Variants in FRAS1 observed in about 807,000 individuals in gnomAD.
FRAS1 encodes extracellular matrix organizing protein FRAS1.
In FRAS1, 290 loss-of-function variants were observed where a neutral mutation model predicts 435.2. That is an observed-to-expected ratio of 0.67 (90% CI 0.61 to 0.73). The LOEUF (loss-of-function observed/expected upper bound fraction) is 0.73, where lower values mean the gene tolerates loss of function less well. Among genes scored for constraint, FRAS1 ranks in the 30% least tolerant of loss-of-function variants. The pLI is 0.00. For missense variants in FRAS1, 4,860 were observed against 5,001.5 expected, an observed-to-expected ratio of 0.97 and a Z score of 0.85; for synonymous variants, 1,800 against 1,851.0, an observed-to-expected ratio of 0.97 and a Z score of 0.71.
chr4:78,521,685 A>G, intron 68 of FRAS1, 55 bp downstream of exon 68: 3 of 1,094,284 alleles, frequency 2.7e-6, no homozygotes, highest in East Asian at 4.8e-5. Context: ...CATTTCACAC[A>G]TACAGAAAGT....
intron 14 of FRAS1, among the ~76,000 whole-genome samples, chr4:78,289,563 C>T (rs1727785449): frequency 6.6e-6 from 1 of 152,098 alleles, no homozygotes. Context: ...TGTTAGTACC[C>T]AAAGCTCACA....
At chr4:78,347,535 C>T (rs1431868796) in intron 20 of FRAS1, among the ~76,000 whole-genome samples, 1 of 152,206 alleles carries the variant, frequency 6.6e-6, no homozygotes, top group African/African-American at 2.4e-5. Context: ...GAGTGAACGT[C>T]CAAAGCTCCA....
chr4:78,271,763 C>T (rs925274078), intron 9 of FRAS1, among the ~76,000 whole-genome samples: 15 of 152,158 alleles, frequency 9.9e-5, no homozygotes, highest in African/African-American at 1.7e-4. Flanking sequence ...TGAATAGTGC[C>T]GCAATAAACA....
intron 59 of FRAS1, among the ~76,000 whole-genome samples, chr4:78,492,492 A>G (rs1470918353): frequency 3.3e-5 from 5 of 152,334 alleles, no homozygotes; most frequent in East Asian, 3.9e-4. Context: ...ATAATGTCAC[A>G]CATCTACAAC....
intron 2 of FRAS1, among the ~76,000 whole-genome samples, chr4:78,092,996 T>C (rs1381876428): frequency 2.6e-5 from 4 of 152,196 alleles, no homozygotes; most frequent in African/African-American, 9.6e-5. Context: ...TCAGCAGGCT[T>C]TAACCTTTCC....
intron 18 of FRAS1, among the ~76,000 whole-genome samples, chr4:78,329,287 G>A (rs895128660): frequency 6.6e-6 from 1 of 152,158 alleles, no homozygotes; most frequent in Non-Finnish European, 1.5e-5. Context: ...ATGTTGGTTC[G>A]AGCTCGAGAA....
In FRAS1 at chr4:78,334,786, TCTCA is replaced by T. The variant is rs201431839; in HGVS notation, c.2278+1378_2278+1381del. Reference sequence around the variant, plus strand: ...TTTTTCTTTTTTTTAAGAGATGGATTCTCACTCTGTCACCCAGGATGGAGTGCAG... The same window carrying T: ...TTTTTCTTTTTTTTAAGAGATGGATTCTCTGTCACCCAGGATGGAGTGCAG... On this transcript the variant is annotated intron_variant, in intron 19 of 73. Coordinates refer to ENST00000512123, the MANE Select transcript of FRAS1 (RefSeq NM_025074.7). Among the ~76,000 whole-genome samples, 698 of 151,838 alleles carry T rather than the reference TCTCA, an allele frequency of 4.6e-3. 5 individuals carry two copies. The highest frequency in any genetic ancestry group is 0.016 in the African/African-American group (650 of 41,422).
intron 33 of FRAS1, among the ~76,000 whole-genome samples, chr4:78,420,573 A>C (rs4975096): frequency 0.31 from 44,892 of 145,852 alleles, 8,211 homozygotes; most frequent in Non-Finnish European, 0.37. Context: ...GATAATTACA[A>C]ATTCAGTTCT....
At chr4:78,178,855 A>G (rs904502812) in intron 2 of FRAS1, among the ~76,000 whole-genome samples, 10 of 152,194 alleles carry the variant, frequency 6.6e-5, no homozygotes, top group Admixed American at 4.6e-4. Context: ...TTGGGCTTCA[A>G]ATAGGATACT....
At chr4:78,067,501 G>A (rs190615214) in intron 2 of FRAS1, among the ~76,000 whole-genome samples, 1 of 151,948 alleles carries the variant, frequency 6.6e-6, no homozygotes, top group Non-Finnish European at 1.5e-5. Flanking sequence ...TGAATTTATT[G>A]GATGACCTTG....
intron 2 of FRAS1, among the ~76,000 whole-genome samples, chr4:78,204,365 T>C (rs937338226): frequency 2.0e-5 from 3 of 152,232 alleles, no homozygotes; most frequent in Admixed American, 1.3e-4. Flanking sequence ...AGTCATGTTA[T>C]AGAACTGTCA....
At position 78,211,477 on chromosome 4, in the gene FRAS1, C is replaced by T. The variant is rs1031559589; in HGVS notation, c.109-26033C>T. 2.0e-5 allele frequency among the ~76,000 whole-genome samples: 3 copies of T among 152,162 alleles called. No individual in the cohort carries two copies. The South Asian group carries it at 6.2e-4, about 32-fold the overall frequency. ...CCTTTGAACTTATGTGCTCATTGGG[C>T]TAACACAGATCCATGGAGAAGGCAT... On this transcript the variant is annotated intron_variant, in intron 2 of 73. Coordinates refer to ENST00000512123, the MANE Select transcript of FRAS1 (RefSeq NM_025074.7).
intron 2 of FRAS1, among the ~76,000 whole-genome samples, chr4:78,091,060 G>A (rs1049579876): frequency 2.0e-5 from 3 of 152,138 alleles, no homozygotes; most frequent in East Asian, 1.9e-4. Context: ...GTGGGAGGCC[G>A]TTTGGCTGTC....
intron 2 of FRAS1, among the ~76,000 whole-genome samples, chr4:78,131,814 A>T (rs1033006269): frequency 2.6e-5 from 4 of 152,266 alleles, no homozygotes; most frequent in African/African-American, 9.6e-5. Flanking sequence ...TTAATGAATT[A>T]TTCAGGCATG....
chr4:78,537,374 G>T (rs1453712244), intron 72 of FRAS1, among the ~76,000 whole-genome samples, 174 bp downstream of exon 72: 1 of 152,320 alleles, frequency 6.6e-6, no homozygotes, highest in East Asian at 1.9e-4. Flanking sequence ...TGGTAGTTAC[G>T]ATGAGTAACA....
At chr4:78,123,391 A>T (rs533084903) in intron 2 of FRAS1, among the ~76,000 whole-genome samples, 3 of 152,292 alleles carry the variant, frequency 2.0e-5, no homozygotes, top group African/African-American at 7.2e-5. Context: ...ATTGTAGCAT[A>T]GTTTGACGTC....
At chr4:78,490,909 T>C (rs1720329496) in intron 59 of FRAS1, among the ~76,000 whole-genome samples, 1 of 149,952 alleles carries the variant, frequency 6.7e-6, no homozygotes, top group Admixed American at 6.6e-5. Context: ...TAGACCATTA[T>C]CCAGACTAAT....
chr4:78,475,943 G>C (rs935854312), intron 54 of FRAS1, among the ~76,000 whole-genome samples: 10 of 152,206 alleles, frequency 6.6e-5, no homozygotes, highest in African/African-American at 2.4e-4. Flanking sequence ...TACCTAAAGG[G>C]AGAGAAGAGA....
At chr4:78,129,492 C>G (rs1719571511) in intron 2 of FRAS1, among the ~76,000 whole-genome samples, 1 of 152,058 alleles carries the variant, frequency 6.6e-6, no homozygotes, top group African/African-American at 2.4e-5. Flanking sequence ...CCATGGCCCC[C>G]TGATATGTGA....
Sources: gnomAD v4.1 joint callset for allele counts (sites outside exome capture counted in the v4.1 genomes callset) on GRCh38, gnomAD v4.1.1 for gene constraint, MANE v1.5 for transcripts, NCBI Gene and HGNC (gene_info 2026-07-23, HGNC 2026-07-21) for gene names.